Variants in ALMS1 observed in about 807,000 individuals in gnomAD.
ALMS1 encodes ALMS1 centrosome and basal body associated protein, also known as centrosome-associated protein ALMS1.
In ALMS1, 271 loss-of-function variants were observed where a neutral mutation model predicts 352.2. The ratio of observed to expected loss-of-function variants is 0.77; its 90% CI spans 0.70 to 0.85. The LOEUF (loss-of-function observed/expected upper bound fraction) is 0.85. Ranked by LOEUF, ALMS1 falls within the 40% of genes least tolerant of loss-of-function variation. The pLI is 0.00. For synonymous variants in ALMS1, 1,865 were observed against 1,761.2 expected (o/e 1.06, Z -1.48); for missense variants, 5,445 against 4,870.7 (o/e 1.12, Z -3.51).
In ALMS1 at chr2:73,448,248, C is replaced by T. The variant is rs750591887; in HGVS notation, c.1721C>T (p.Ser574Phe). 4.0e-5 allele frequency: 64 copies of T among 1,613,924 alleles called. 1 individual carries two copies. The Admixed American group carries it at 1.1e-3, about 27-fold the overall frequency. ...GCAACACCAACAGTACTCTCTAGTT[C>T]CCACTCACATAGGGGGAAGCCCAGC... ...KTATPTVLSSSHSHRGKPSIF... is the reference protein window; with the variant it reads ...KTATPTVLSSFHSHRGKPSIF... Residue 574 changes from serine (S) to phenylalanine (F), a missense_variant, in exon 8 of 23, where the codon TCC becomes TTC. Physicochemically the swap from Ser to Phe is radical, Grantham distance 155 (BLOSUM62 -2). Coordinates refer to ENST00000613296, the MANE Select transcript of ALMS1 (RefSeq NM_001378454.1).
chr2:73,513,208 A>G (rs184600604), intron 10 of ALMS1, among the ~76,000 whole-genome samples: 135 of 151,560 alleles, frequency 8.9e-4, no homozygotes, highest in African/African-American at 3.1e-3. Context: ...GGGCTTTGGC[A>G]TTCCATGCTA....
At chr2:73,385,761 C>A (rs1339460402), upstream of ALMS1, 1 of 577,712 alleles carries the variant, frequency 1.7e-6, no homozygotes, top group South Asian at 2.1e-5. Flanking sequence ...CCCGCCCAGG[C>A]GGGCGGCACT....
intron 1 of ALMS1, among the ~76,000 whole-genome samples, chr2:73,393,773 A>G (rs959828687): frequency 1.3e-5 from 2 of 151,318 alleles, no homozygotes. Flanking sequence ...TGGATTCCCA[A>G]TTCTATTTCA....
Position 73,490,931 on chromosome 2 carries a change from A to G in ALMS1, c.8972A>G (p.Gln2991Arg). 6.2e-7 allele frequency: 1 copy of G among 1,614,240 alleles called. No homozygotes were observed. ...CACCATTTTCCCCTTCCTCAAGGTC[A>G]GGATTGTGTAGTGGAAAAGAATAAT... ...NKHHFPLPQG[Q>R]DCVVEKNNQH... The change falls in exon 10 of 23, where the codon CAG (glutamine) becomes CGG (arginine). Residue 2991 changes from glutamine (Q) to arginine (R), a missense_variant. Coordinates refer to ENST00000613296, the MANE Select transcript of ALMS1 (RefSeq NM_001378454.1).
chr2:73,398,989 G>A (rs189168947), intron 1 of ALMS1, among the ~76,000 whole-genome samples: 104 of 152,074 alleles, frequency 6.8e-4, no homozygotes, highest in African/African-American at 2.4e-3. Context: ...GATTACAGGC[G>A]CCTGCCACCA....
intron 10 of ALMS1, among the ~76,000 whole-genome samples, chr2:73,519,209 C>T (rs1320224847): frequency 6.6e-6 from 1 of 152,138 alleles, no homozygotes; most frequent in Non-Finnish European, 1.5e-5. Context: ...TTAAGCTTAA[C>T]CTTCTTTGGT....
At position 73,450,927 on chromosome 2, in the gene ALMS1, G is replaced by C; in HGVS notation, c.4400G>C (p.Gly1467Ala). 1.2e-6 allele frequency: 2 copies of C among 1,613,756 alleles called. No individual in the cohort carries two copies. The highest frequency in any genetic ancestry group is 2.2e-5 in the South Asian group (2 of 91,050). The stretch of plus-strand genomic sequence containing the variant: ...CCTGGACCAGTTGACCAGACGATTG[G>C]CACACCAACTGTAACCTCCCCTTCC... ...VAPGPVDQTIGTPTVTSPSSS... is the reference protein window; with the variant it reads ...VAPGPVDQTIATPTVTSPSSS... Residue 1467 changes from glycine (G) to alanine (A), a missense_variant, in exon 8 of 23, where the codon GGC (glycine) becomes GCC (alanine). Coordinates refer to ENST00000613296, the MANE Select transcript of ALMS1 (RefSeq NM_001378454.1).
intron 16 of ALMS1, 89 bp from the exon 17 acceptor site, chr2:73,599,312 A>G: frequency 6.5e-7 from 1 of 1,534,496 alleles, no homozygotes; most frequent in Non-Finnish European, 8.9e-7. Context: ...GAATTGGATT[A>G]GAAAGAGGAC....
At chr2:73,573,931 T>C (rs1231857383) in intron 16 of ALMS1, among the ~76,000 whole-genome samples, 2 of 151,852 alleles carry the variant, frequency 1.3e-5, no homozygotes, top group African/African-American at 4.8e-5. Context: ...TTTTTAAAAA[T>C]GAGTAAATAA....
intron 18 of ALMS1, 148 bp from the exon 19 acceptor site, chr2:73,601,047 G>A: frequency 7.0e-7 from 1 of 1,433,440 alleles, no homozygotes. Context: ...AGTCATCCCT[G>A]CAGCAAAACC....
At chr2:73,474,906 C>T (rs181356668) in intron 9 of ALMS1, among the ~76,000 whole-genome samples, 1 of 152,098 alleles carries the variant, frequency 6.6e-6, no homozygotes, top group African/African-American at 2.4e-5. Flanking sequence ...CCCTCTCCCC[C>T]AATTCCCTAG....
At chr2:73,550,175 A>T (rs1308012006) in intron 12 of ALMS1, 92 bp from the exon 13 acceptor site, 2 of 1,405,596 alleles carry the variant, frequency 1.4e-6, no homozygotes, top group African/African-American at 2.8e-5. Context: ...TGCTTTTTTC[A>T]TAGAATTGGT....
chr2:73,541,793 A>C (rs544888132), intron 12 of ALMS1, among the ~76,000 whole-genome samples: 1 of 152,378 alleles, frequency 6.6e-6, no homozygotes, highest in South Asian at 2.1e-4. Flanking sequence ...TCCTCAACAC[A>C]TATACCTTCC....
chr2:73,575,912 T>G (rs553651991), intron 16 of ALMS1, among the ~76,000 whole-genome samples: 1 of 152,256 alleles, frequency 6.6e-6, no homozygotes, highest in African/African-American at 2.4e-5. Flanking sequence ...CCAAATCCAG[T>G]GTCGTGAAAG....
intron 1 of ALMS1, among the ~76,000 whole-genome samples, chr2:73,399,795 A>G (rs78839437): frequency 8.5e-5 from 13 of 152,250 alleles, no homozygotes; most frequent in East Asian, 5.8e-4. Flanking sequence ...TAGATACTCT[A>G]TGTCAAGTTG....
chr2:73,431,625 T>G (rs961588452), intron 6 of ALMS1, among the ~76,000 whole-genome samples: 1 of 152,236 alleles, frequency 6.6e-6, no homozygotes, highest in Non-Finnish European at 1.5e-5. Context: ...ACTACCAATT[T>G]ATAGTTTCCA....
At chr2:73,459,208 G>A (rs1672134948) in intron 9 of ALMS1, 1 of 151,980 alleles carries the variant, frequency 6.6e-6, no homozygotes, top group Admixed American at 6.6e-5. Context: ...ATTCAGATTT[G>A]ATTTTTATGT....
chr2:73,449,615 T>A lies in ALMS1; in HGVS notation c.3088T>A (p.Ser1030Thr), dbSNP rs1023974968. The A allele has an allele frequency of 1.1e-5, 17 of 1,613,950 alleles. No homozygotes were observed. The Admixed American group carries it at 2.5e-4, about 24-fold the overall frequency. The change falls in exon 8 of 23, where the codon TCA becomes ACA. Residue 1030 changes from serine (S) to threonine (T), a missense_variant. Coordinates refer to ENST00000613296, the MANE Select transcript of ALMS1 (RefSeq NM_001378454.1). ...TGCAACTGAAAAGGCTCTGAAAGTTTCAACTGGCCCTGGACCAGCTGACCA... is the reference window on the plus strand; with the variant it reads ...TGCAACTGAAAAGGCTCTGAAAGTTACAACTGGCCCTGGACCAGCTGACCA... ...SYATEKALKV[S>T]TGPGPADQKT...
At chr2:73,489,233 G>A (rs1245434601) in intron 9 of ALMS1, among the ~76,000 whole-genome samples, 2 of 152,188 alleles carry the variant, frequency 1.3e-5, no homozygotes, top group Admixed American at 1.3e-4. Flanking sequence ...ATATCCCATT[G>A]GTGTCAGTCT....
Sources: gnomAD v4.1 joint callset for allele counts (sites outside exome capture counted in the v4.1 genomes callset) on GRCh38, gnomAD v4.1.1 for gene constraint, MANE v1.5 for transcripts, NCBI Gene and HGNC (gene_info 2026-07-23, HGNC 2026-07-21) for gene names.